Variants in UNC13C observed in about 807,000 individuals in gnomAD.
The protein encoded by UNC13C is protein unc-13 homolog C.
A neutral mutation model predicts 245.4 loss-of-function variants in UNC13C; 174 were observed. The observed-to-expected ratio is 0.71, with a 90% CI of 0.63 to 0.80. UNC13C has a LOEUF of 0.80. Ranked by LOEUF, UNC13C falls within the 30% of genes least tolerant of loss-of-function variation. The pLI, the probability that UNC13C is intolerant of heterozygous loss-of-function variation, is 0.00. For synonymous variants in UNC13C, 992 were observed against 895.1 expected (o/e 1.11, Z -1.93); for missense variants, 2,829 against 2,602.9 (o/e 1.09, Z -1.89).
chr15:53,973,108 A>C, the UNC13C span, among the ~76,000 whole-genome samples: 1 of 152,170 alleles, frequency 6.6e-6, no homozygotes, highest in Non-Finnish European at 1.5e-5. Context: ...GCTCAGGGAG[A>C]TTACATAAAT....
At chr15:54,159,365 A>G (rs2032881592) in intron 4 of UNC13C, among the ~76,000 whole-genome samples, 1 of 152,360 alleles carries the variant, frequency 6.6e-6, no homozygotes, top group Admixed American at 6.5e-5. Context: ...CTAAAGGAAG[A>G]AGACTATACC....
intron 19 of UNC13C, among the ~76,000 whole-genome samples, chr15:54,440,027 C>T (rs1033028661): frequency 1.3e-5 from 2 of 151,936 alleles, no homozygotes; most frequent in Non-Finnish European, 1.5e-5. Flanking sequence ...AAATTGCAAT[C>T]CCCATAATGT....
chr15:54,390,749 C>T (rs2039937351), intron 17 of UNC13C, among the ~76,000 whole-genome samples: 1 of 151,820 alleles, frequency 6.6e-6, no homozygotes, highest in African/African-American at 2.4e-5. Context: ...GTTAAATGCC[C>T]TATTAGATTT....
At chr15:54,357,744 A>C (rs2039129232) in intron 17 of UNC13C, among the ~76,000 whole-genome samples, 2 of 151,970 alleles carry the variant, frequency 1.3e-5, no homozygotes, top group South Asian at 4.1e-4. Flanking sequence ...CATTCCTTCA[A>C]CCTTTCAGTA....
chr15:53,885,299 G>A, the UNC13C span, among the ~76,000 whole-genome samples: 1 of 152,172 alleles, frequency 6.6e-6, no homozygotes, highest in Non-Finnish European at 1.5e-5. Flanking sequence ...CTAAGGTGGG[G>A]CATAAAAACC....
chr15:54,487,935 T>A (rs910700525), intron 19 of UNC13C, among the ~76,000 whole-genome samples: 5 of 152,194 alleles, frequency 3.3e-5, no homozygotes, highest in South Asian at 2.1e-4. Context: ...ATTTTTTCAT[T>A]TTTATTACTC....
chr15:54,040,459 A>G (rs952886130), intron 2 of UNC13C, among the ~76,000 whole-genome samples: 1 of 152,136 alleles, frequency 6.6e-6, no homozygotes, highest in African/African-American at 2.4e-5. Flanking sequence ...ATCTTGTTAA[A>G]ATTTTAACAA....
the UNC13C span, chr15:53,955,872 GCACTCCTATGTT>G: frequency 6.6e-6 from 1 of 152,130 alleles, no homozygotes; most frequent in Non-Finnish European, 1.5e-5. Flanking sequence ...AAAGACACAT[GCACTCCTATGTT>G]CACCACAGCA....
intron 2 of UNC13C, among the ~76,000 whole-genome samples, chr15:54,141,793 T>G (rs2032034640): frequency 6.6e-6 from 1 of 152,112 alleles, no homozygotes; most frequent in South Asian, 2.1e-4. Flanking sequence ...TACAATACAT[T>G]TTACCCTGTT....
intron 4 of UNC13C, among the ~76,000 whole-genome samples, chr15:54,209,592 T>C (rs1276600670): frequency 2.0e-5 from 3 of 152,060 alleles, no homozygotes; most frequent in Non-Finnish European, 4.4e-5. Context: ...TCTGTGTTTT[T>C]TTGTAGAGAC....
At chr15:54,145,796 T>G (rs574000952) in intron 4 of UNC13C, among the ~76,000 whole-genome samples, 109 of 152,378 alleles carry the variant, frequency 7.2e-4, no homozygotes, top group African/African-American at 2.5e-3. Context: ...TGTAAAAATT[T>G]GATTTGCTAA....
chr15:54,464,172 T>C (rs969771627), intron 19 of UNC13C, among the ~76,000 whole-genome samples: 14 of 152,228 alleles, frequency 9.2e-5, no homozygotes, highest in African/African-American at 3.4e-4. Flanking sequence ...TATTTACTAA[T>C]ATCCTAGGTG....
intron 17 of UNC13C, among the ~76,000 whole-genome samples, chr15:54,351,896 G>A (rs1443827434): frequency 6.6e-6 from 1 of 151,900 alleles, no homozygotes; most frequent in African/African-American, 2.4e-5. Flanking sequence ...CTAAAATAAT[G>A]CAATATCTTT....
chr15:54,377,553 C>G (rs971729980), intron 17 of UNC13C, among the ~76,000 whole-genome samples: 6 of 152,180 alleles, frequency 3.9e-5, no homozygotes, highest in Non-Finnish European at 8.8e-5. Flanking sequence ...TTAATCCATT[C>G]AGACTGTTAT....
At chr15:54,339,796 G>A (rs1005819869) in intron 17 of UNC13C, among the ~76,000 whole-genome samples, 4 of 152,050 alleles carry the variant, frequency 2.6e-5, no homozygotes, top group Admixed American at 2.6e-4. Context: ...TTTCCTCTGG[G>A]TAGATACCCA....
At chr15:54,460,290 A>G (rs1439882799) in intron 19 of UNC13C, among the ~76,000 whole-genome samples, 1 of 152,124 alleles carries the variant, frequency 6.6e-6, no homozygotes, top group African/African-American at 2.4e-5. Flanking sequence ...GCTCCAGTGG[A>G]GGTGGCACAG....
At chr15:54,550,146 C>T (rs143966050) in intron 28 of UNC13C, among the ~76,000 whole-genome samples, 1 of 152,094 alleles carries the variant, frequency 6.6e-6, no homozygotes, top group Non-Finnish European at 1.5e-5. Context: ...AACTTCAGTC[C>T]CTGTTCCTCT....
intron 17 of UNC13C, among the ~76,000 whole-genome samples, chr15:54,386,061 C>G (rs575759503): frequency 1.4e-4 from 21 of 152,064 alleles, no homozygotes; most frequent in Non-Finnish European, 2.6e-4. Context: ...ATATATAACA[C>G]AAAATAAAAG....
chr15:54,506,971 A>C, intron 22 of UNC13C, 146 bp from the exon 23 acceptor site: 1 of 507,696 alleles, frequency 2.0e-6, no homozygotes, highest in Non-Finnish European at 3.5e-6. Flanking sequence ...GGGCATTCTT[A>C]GGCTCAGAAA....
Sources: allele counts gnomAD v4.1 joint callset (sites outside exome capture counted in the v4.1 genomes callset), GRCh38; gene constraint gnomAD v4.1.1; transcripts MANE v1.5; gene names NCBI Gene and HGNC (gene_info 2026-07-23, HGNC 2026-07-21).